The following MAML2 variants were observed in gnomAD, a reference collection of about 807,000 sequenced individuals.
MAML2 encodes the protein mastermind like transcriptional coactivator 2, also known as mastermind-like protein 2.
In MAML2, 22 loss-of-function variants were observed where a neutral mutation model predicts 96.1. The ratio of observed to expected loss-of-function variants is 0.23; its 90% CI spans 0.16 to 0.33. The LOEUF (loss-of-function observed/expected upper bound fraction) is 0.33. Among genes scored for constraint, MAML2 ranks in the 10% least tolerant of loss-of-function variants. The pLI, the probability that MAML2 is intolerant of heterozygous loss-of-function variation, is 1.00. For synonymous variants in MAML2, 561 were observed against 521.3 expected (o/e 1.08, Z -1.04); for missense variants, 1,367 against 1,392.4 (o/e 0.98, Z 0.29).
At chr11:96,080,685 C>T (rs1257492057) in intron 2 of MAML2, among the ~76,000 whole-genome samples, 1 of 152,160 alleles carries the variant, frequency 6.6e-6, no homozygotes, top group Non-Finnish European at 1.5e-5. Flanking sequence ...CACATATAGG[C>T]AATGATTAAG....
At chr11:95,994,389 G>A (rs1019929722) in intron 2 of MAML2, among the ~76,000 whole-genome samples, 2 of 152,172 alleles carry the variant, frequency 1.3e-5, no homozygotes, top group Non-Finnish European at 2.9e-5. Context: ...CACCGCCTGT[G>A]TTCTATAAGC....
intron 1 of MAML2, among the ~76,000 whole-genome samples, chr11:96,168,448 G>A (rs578032662): frequency 1.3e-5 from 2 of 152,262 alleles, no homozygotes; most frequent in South Asian, 4.1e-4. Flanking sequence ...TGAAGTCCAG[G>A]CAGCCCAGGG....
intron 2 of MAML2, among the ~76,000 whole-genome samples, chr11:96,038,433 CAAAATAGAT>C (rs1244494592): frequency 6.6e-6 from 1 of 152,128 alleles, no homozygotes; most frequent in Non-Finnish European, 1.5e-5. Context: ...AGGAAAAACG[CAAAATAGAT>C]AAAAATTATG....
intron 1 of MAML2, among the ~76,000 whole-genome samples, chr11:96,140,751 G>A (rs76890133): frequency 0.042 from 6,457 of 152,136 alleles, 476 homozygotes; most frequent in African/African-American, 0.15. Context: ...AGGGTCAGGC[G>A]GCTCTTCCTC....
intron 1 of MAML2, among the ~76,000 whole-genome samples, chr11:96,180,814 C>G (rs182415164): frequency 1.3e-5 from 2 of 152,078 alleles, no homozygotes; most frequent in South Asian, 2.1e-4. Context: ...CACCTGGGTA[C>G]AGGCGGGCTG....
In MAML2 at chr11:96,341,456, C is replaced by G; in HGVS notation, c.440G>C (p.Ser147Thr). 1 of 1,551,322 alleles carries G rather than the reference C, an allele frequency of 6.4e-7. No homozygotes were observed. Among genetic ancestry groups the G allele is most frequent in the Non-Finnish European group, 8.7e-7 (1 of 1,146,800 alleles). Residue 147 changes from serine to threonine, a missense_variant, in exon 1 of 5, where the codon AGT becomes ACT. Coordinates refer to ENST00000524717, the MANE Select transcript of MAML2 (RefSeq NM_032427.4). ...CTGCTGCTCTCCGTTTATCCCACCACTGCCACCATTATTGCTACTGTTCAG... is the reference window on the plus strand; with the variant it reads ...CTGCTGCTCTCCGTTTATCCCACCAGTGCCACCATTATTGCTACTGTTCAG... ...HLLNSSNNGG[S>T]GGINGEQQPP... is the part of the protein sequence containing the mutation.
At chr11:96,247,532 T>TG (rs1209701129) in intron 1 of MAML2, among the ~76,000 whole-genome samples, 1 of 152,166 alleles carries the variant, frequency 6.6e-6, no homozygotes, top group Non-Finnish European at 1.5e-5. Context: ...TTTACCCTGT[T>TG]TAAATACAAC....
At chr11:96,264,880 C>T (rs1202785037) in intron 1 of MAML2, among the ~76,000 whole-genome samples, 1 of 152,198 alleles carries the variant, frequency 6.6e-6, no homozygotes, top group East Asian at 1.9e-4. Context: ...TGCAAGAACA[C>T]ATTTAATACC....
chr11:96,096,927 C>T (rs1222021655), intron 1 of MAML2, among the ~76,000 whole-genome samples: 2 of 152,176 alleles, frequency 1.3e-5, no homozygotes, highest in African/African-American at 4.8e-5. Flanking sequence ...CCCATCAAAA[C>T]TTCACTGGGC....
chr11:96,086,190 T>C (rs1248913326), intron 2 of MAML2, among the ~76,000 whole-genome samples: 1 of 152,192 alleles, frequency 6.6e-6, no homozygotes, highest in Non-Finnish European at 1.5e-5. Context: ...TGAGATTATA[T>C]GAGTATGAAG....
At chr11:96,156,368 T>TTGAC (rs1216628223) in intron 1 of MAML2, among the ~76,000 whole-genome samples, 1 of 152,236 alleles carries the variant, frequency 6.6e-6, no homozygotes, top group African/African-American at 2.4e-5. Context: ...TTGCTTTAAC[T>TTGAC]GTCAGCCAGG....
In MAML2 at chr11:96,196,879, CT is replaced by C. The variant is rs35624218; in HGVS notation, c.514-103363del. Among the ~76,000 whole-genome samples the C allele has an allele frequency of 6.3e-3, 817 of 128,958 alleles. 6 individuals are homozygous for C. The highest frequency in any genetic ancestry group is 0.017 in the South Asian group (69 of 3,996). The allele number at this position is 128,958 out of a possible 152,430, so 84.6% of individuals were successfully genotyped here. ...ATGGTTCTCCCCCAACCACCCTCGGCTTTTTTTTTTTTTTTTCAATAGGAGC... is the reference window on the plus strand; with the variant it reads ...ATGGTTCTCCCCCAACCACCCTCGGCTTTTTTTTTTTTTTTCAATAGGAGC... On this transcript the variant is annotated intron_variant, in intron 1 of 4. Coordinates refer to ENST00000524717, the MANE Select transcript of MAML2 (RefSeq NM_032427.4).
chr11:96,187,792 C>CA (rs5793787), intron 1 of MAML2, among the ~76,000 whole-genome samples: 14,910 of 128,460 alleles, frequency 0.12, 868 homozygotes, highest in African/African-American at 0.16. Context: ...AACTCTGTCT[C>CA]AAAAAAAAAA....
intron 2 of MAML2, among the ~76,000 whole-genome samples, chr11:96,038,543 A>C (rs1430455972): frequency 2.0e-5 from 3 of 152,248 alleles, no homozygotes; most frequent in Admixed American, 2.0e-4. Flanking sequence ...CTAGGCACTT[A>C]AGCCCTATCT....
At chr11:96,086,457 C>T (rs1415866398) in intron 2 of MAML2, among the ~76,000 whole-genome samples, 1 of 109,864 alleles carries the variant, frequency 9.1e-6, no homozygotes, top group African/African-American at 3.9e-5. Context: ...TTCTCACTTC[C>T]TTGTGTTTTT....
At chr11:96,242,565 T>C (rs1417263417) in intron 1 of MAML2, among the ~76,000 whole-genome samples, 1 of 152,222 alleles carries the variant, frequency 6.6e-6, no homozygotes, top group Admixed American at 6.5e-5. Context: ...TGTTCCGTTT[T>C]TAAAAACTTT....
intron 1 of MAML2, among the ~76,000 whole-genome samples, chr11:96,108,601 C>T (rs950858741): frequency 3.9e-5 from 6 of 152,092 alleles, no homozygotes; most frequent in African/African-American, 7.2e-5. Context: ...AATAAATACA[C>T]GTAGACTGCT....
At chr11:96,236,527 C>A (rs931471924) in intron 1 of MAML2, among the ~76,000 whole-genome samples, 1 of 152,132 alleles carries the variant, frequency 6.6e-6, no homozygotes, top group Non-Finnish European at 1.5e-5. Context: ...AGAAATCATT[C>A]GTTCTTAGTC....
chr11:96,209,922 G>A (rs112609354), intron 1 of MAML2, among the ~76,000 whole-genome samples: 8,162 of 152,140 alleles, frequency 0.054, 705 homozygotes, highest in African/African-American at 0.19. Flanking sequence ...GGTCATTTCT[G>A]GAGGCATACT....
Sources: allele counts gnomAD v4.1 joint callset (sites outside exome capture counted in the v4.1 genomes callset), GRCh38; gene constraint gnomAD v4.1.1; transcripts MANE v1.5; gene names NCBI Gene and HGNC (gene_info 2026-07-23, HGNC 2026-07-21).